HPSE2: variants seen among roughly 807,000 people sequenced by gnomAD.
HPSE2 encodes the protein inactive heparanase-2.
In HPSE2, 38 loss-of-function variants were observed where a neutral mutation model predicts 60.5. The observed-to-expected ratio is 0.63, with a 90% CI of 0.48 to 0.82. The LOEUF (loss-of-function observed/expected upper bound fraction) is 0.82. Ranked by LOEUF, HPSE2 falls within the 40% of genes least tolerant of loss-of-function variation. The pLI is 0.00. For synonymous variants in HPSE2, 295 were observed against 293.2 expected (o/e 1.01, Z -0.06); for missense variants, 713 against 740.4 (o/e 0.96, Z 0.43).
intron 3 of HPSE2, among the ~76,000 whole-genome samples, chr10:98,789,328 T>C (rs1252540732): frequency 2.6e-5 from 4 of 152,240 alleles, no homozygotes; most frequent in African/African-American, 9.6e-5. Context: ...GGAACAGTCG[T>C]AGTTGAAATC....
intron 6 of HPSE2, among the ~76,000 whole-genome samples, chr10:98,687,897 G>C (rs1947958819): frequency 6.6e-6 from 1 of 152,088 alleles, no homozygotes; most frequent in Non-Finnish European, 1.5e-5. Context: ...CATCCAGTCT[G>C]ACAATCTTTG....
At chr10:98,723,534 G>A (rs1384456670) in intron 4 of HPSE2, among the ~76,000 whole-genome samples, 2 of 152,168 alleles carry the variant, frequency 1.3e-5, no homozygotes, top group African/African-American at 4.8e-5. Flanking sequence ...ATTTCAGAAG[G>A]AATGGTACCA....
At chr10:98,609,595 G>T in intron 9 of HPSE2, among the ~76,000 whole-genome samples, 1 of 152,156 alleles carries the variant, frequency 6.6e-6, no homozygotes, top group East Asian at 1.9e-4. Context: ...TTTTCTACAT[G>T]TATGTATATA....
intron 7 of HPSE2, among the ~76,000 whole-genome samples, chr10:98,622,785 AAAG>A (rs770443126): frequency 6.6e-6 from 1 of 152,190 alleles, no homozygotes; most frequent in Non-Finnish European, 1.5e-5. Context: ...ATACACAAAA[AAAG>A]AAGAGTCGTT....
At chr10:99,104,676 T>C (rs1278378497) in intron 3 of HPSE2, among the ~76,000 whole-genome samples, 3 of 152,100 alleles carry the variant, frequency 2.0e-5, no homozygotes, top group African/African-American at 7.2e-5. Flanking sequence ...TGTCCATCAA[T>C]GATAGACTGA....
chr10:98,635,784 GAA>G lies in HPSE2; in HGVS notation c.1098+6061_1098+6062del, dbSNP rs71009705. ...GCAAAAGAACAAGACCCCATCTCAT[GAA>G]AAAAAAAAAAAAAAGAATGGATAAA... On this transcript the variant is annotated intron_variant, in intron 7 of 11. Transcript: ENST00000370552. Among the ~76,000 whole-genome samples the G allele has an allele frequency of 1.6e-4, 21 of 129,768 alleles. No individual in the cohort carries two copies. In the East Asian group the frequency reaches 1.7e-3, roughly 11 times the overall value. The allele number at this position is 129,768 out of a possible 152,430, so 85.1% of individuals were successfully genotyped here. A position where few individuals can be genotyped will look rare whatever the true frequency, so the allele number is the denominator to read the frequency against.
the HPSE2 span, among the ~76,000 whole-genome samples, chr10:99,310,645 G>C: frequency 2.6e-5 from 4 of 152,074 alleles, no homozygotes; most frequent in African/African-American, 9.7e-5. Flanking sequence ...TTTTGTTTTT[G>C]AGACAGGGTC....
At chr10:99,283,164 C>A in the HPSE2 span, among the ~76,000 whole-genome samples, 2 of 137,914 alleles carry the variant, frequency 1.5e-5, no homozygotes, top group African/African-American at 2.7e-5. Context: ...CCAGCCTGGG[C>A]GACAGAGTAA....
At chr10:99,121,306 G>A (rs1276668134) in intron 3 of HPSE2, among the ~76,000 whole-genome samples, 2 of 152,140 alleles carry the variant, frequency 1.3e-5, no homozygotes, top group Non-Finnish European at 2.9e-5. Context: ...TGGAGGGTGG[G>A]AGGAGGGAGA....
At chr10:98,928,834 G>C (rs1954558758) in intron 3 of HPSE2, among the ~76,000 whole-genome samples, 1 of 92,404 alleles carries the variant, frequency 1.1e-5, no homozygotes, top group Non-Finnish European at 1.9e-5. Context: ...TCTGGGGACT[G>C]TTGTGGGGTG....
intron 2 of HPSE2, among the ~76,000 whole-genome samples, chr10:99,147,123 G>A (rs769479390): frequency 2.6e-5 from 4 of 152,074 alleles, no homozygotes; most frequent in East Asian, 3.9e-4. Context: ...TAAATACGAC[G>A]AAACTGAGGT....
chr10:98,716,938 T>C (rs1053161516), intron 5 of HPSE2, among the ~76,000 whole-genome samples: 22 of 152,014 alleles, frequency 1.4e-4, no homozygotes, highest in Non-Finnish European at 3.1e-4. Flanking sequence ...AGATTTAACA[T>C]AATTCATAGA....
intron 3 of HPSE2, among the ~76,000 whole-genome samples, chr10:99,018,800 A>G (rs1257718498): frequency 6.6e-6 from 1 of 152,184 alleles, no homozygotes; most frequent in Non-Finnish European, 1.5e-5. Context: ...CCACTCCTCA[A>G]AGAGGTGATT....
chr10:98,689,723 T>G (rs1363462360), intron 6 of HPSE2, among the ~76,000 whole-genome samples: 1 of 152,236 alleles, frequency 6.6e-6, no homozygotes, highest in Admixed American at 6.5e-5. Flanking sequence ...ATGCTGATTT[T>G]GAATCTAGCA....
chr10:98,957,467 T>A (rs1294693300), intron 3 of HPSE2, among the ~76,000 whole-genome samples: 1 of 152,178 alleles, frequency 6.6e-6, no homozygotes, highest in Non-Finnish European at 1.5e-5. Context: ...CATATTAGAC[T>A]TAATAATAAG....
chr10:98,971,219 A>G (rs1471801425), intron 3 of HPSE2, among the ~76,000 whole-genome samples: 1 of 152,242 alleles, frequency 6.6e-6, no homozygotes, highest in Admixed American at 6.5e-5. Flanking sequence ...GAATAACAAC[A>G]TAATCCATTC....
At chr10:99,273,745 T>C in the HPSE2 span, among the ~76,000 whole-genome samples, 1 of 152,094 alleles carries the variant, frequency 6.6e-6, no homozygotes, top group South Asian at 2.1e-4. Context: ...GATGGAAAGA[T>C]GGATAGACAA....
At chr10:98,963,208 A>G (rs922876497) in intron 3 of HPSE2, among the ~76,000 whole-genome samples, 3 of 152,100 alleles carry the variant, frequency 2.0e-5, no homozygotes, top group East Asian at 3.8e-4. Context: ...GAGTATGCAG[A>G]AAAAAAAGAC....
chr10:98,868,594 C>G (rs1247909797), intron 3 of HPSE2, among the ~76,000 whole-genome samples: 1 of 152,040 alleles, frequency 6.6e-6, no homozygotes, highest in East Asian at 1.9e-4. Flanking sequence ...ATGCCTGTAC[C>G]AAAATATCTC....
Sources: allele counts gnomAD v4.1 joint callset (sites outside exome capture counted in the v4.1 genomes callset), GRCh38; gene constraint gnomAD v4.1.1; transcripts MANE v1.5; gene names NCBI Gene and HGNC (gene_info 2026-07-23, HGNC 2026-07-21).